GRK5: variants seen among roughly 807,000 people sequenced by gnomAD.
The protein encoded by GRK5 is g protein-coupled receptor kinase GRK5.
Under a neutral mutation model 78.4 loss-of-function variants are expected in GRK5, and 40 were observed. The observed-to-expected ratio is 0.51, with a 90% CI of 0.40 to 0.66. The LOEUF is 0.66. Ranked by LOEUF, GRK5 falls within the 30% of genes least tolerant of loss-of-function variation. The pLI, the probability that GRK5 is intolerant of heterozygous loss-of-function variation, is 0.00. For missense variants in GRK5, 598 were observed against 759.9 expected (o/e 0.79, Z 2.50); for synonymous variants, 289 against 296.8 (o/e 0.97, Z 0.27).
At chr10:119,439,582 A>T in intron 9 of GRK5, 149 bp from the exon 10 acceptor site, 2 of 659,642 alleles carry the variant, frequency 3.0e-6, no homozygotes, top group South Asian at 3.8e-5. Flanking sequence ...GATCATTTTG[A>T]CTCAAACCAG....
intron 1 of GRK5, among the ~76,000 whole-genome samples, chr10:119,231,250 G>A (rs767720601): frequency 2.0e-5 from 3 of 152,048 alleles, no homozygotes; most frequent in African/African-American, 4.8e-5. Context: ...ATTAAAAAAT[G>A]GGCAGATGAT....
intron 1 of GRK5, among the ~76,000 whole-genome samples, chr10:119,269,618 G>A (rs1346988120): frequency 1.3e-5 from 2 of 151,880 alleles, no homozygotes; most frequent in African/African-American, 4.8e-5. Flanking sequence ...ATCACCTGAG[G>A]TCAGGAGTTT....
chr10:119,420,253 AT>A (rs1852541243), intron 4 of GRK5, among the ~76,000 whole-genome samples: 2 of 151,892 alleles, frequency 1.3e-5, no homozygotes, highest in African/African-American at 4.8e-5. Flanking sequence ...TATGTAAGCT[AT>A]TGTTACCAAT....
chr10:119,393,557 A>T (rs956320591), intron 3 of GRK5, among the ~76,000 whole-genome samples: 1 of 152,208 alleles, frequency 6.6e-6, no homozygotes, highest in East Asian at 1.9e-4. Flanking sequence ...CCATTTGCCC[A>T]GGGCCTGCGT....
chr10:119,416,523 C>T lies in GRK5; in HGVS notation c.340-6643C>T, dbSNP rs78796703. Among the ~76,000 whole-genome samples, 622 of 152,322 alleles carry T rather than the reference C, an allele frequency of 4.1e-3. 16 individuals are homozygous for T. The highest frequency in any genetic ancestry group is 0.029 in the East Asian group (148 of 5,182). ...TGGCCCTGCAGTCCAGCTTCTCTCT[C>T]CTTCAAGGTCCAGGCCTGTATGACC... On this transcript the variant is annotated intron_variant, in intron 4 of 15. Coordinates refer to ENST00000392870, the MANE Select transcript of GRK5 (RefSeq NM_005308.3).
intron 1 of GRK5, among the ~76,000 whole-genome samples, chr10:119,322,319 A>G (rs1109804): frequency 0.69 from 104,847 of 152,128 alleles, 37,882 homozygotes; most frequent in Non-Finnish European, 0.79. Context: ...ACAGCGCAAT[A>G]TTTAACCACA....
At chr10:119,441,295 A>C (rs1452565104) in intron 10 of GRK5, among the ~76,000 whole-genome samples, 2 of 151,948 alleles carry the variant, frequency 1.3e-5, no homozygotes, top group Non-Finnish European at 2.9e-5. Context: ...TCTAGGCTGG[A>C]GGGATGGGGG....
chr10:119,237,201 T>C (rs927237359), intron 1 of GRK5, among the ~76,000 whole-genome samples: 1 of 152,058 alleles, frequency 6.6e-6, no homozygotes, highest in Non-Finnish European at 1.5e-5. Context: ...TAGCTGGGAT[T>C]ACAGGCATGT....
In GRK5 at chr10:119,267,271, C is replaced by A. The variant is rs1849514116; in HGVS notation, c.53-59245C>A. On this transcript the variant is annotated intron_variant, in intron 1 of 15. Coordinates refer to ENST00000392870, the MANE Select transcript of GRK5 (RefSeq NM_005308.3). This position sits in a 1 kb window ranked among gnomAD's most constrained non-coding sequence, Gnocchi z 4.1. ...AAAAAAAAAATTCTTTTTGCAGTGA[C>A]AGGGTCTGCCTGTGTTGCCCAGGCT... 6.6e-6 allele frequency among the ~76,000 whole-genome samples: 1 copy of A among 152,110 alleles called. No homozygotes were observed. Among genetic ancestry groups the A allele is most frequent in the South Asian group, 2.1e-4 (1 of 4,830 alleles).
At chr10:119,356,557 A>G (rs549427598) in intron 2 of GRK5, among the ~76,000 whole-genome samples, 3 of 152,302 alleles carry the variant, frequency 2.0e-5, no homozygotes, top group African/African-American at 4.8e-5. Flanking sequence ...TTGATGCCCA[A>G]TAAGATCAGC....
intron 4 of GRK5, among the ~76,000 whole-genome samples, chr10:119,420,350 AAAC>A (rs200849028): frequency 0.077 from 4,709 of 61,356 alleles, 100 homozygotes; most frequent in Admixed American, 0.12. Context: ...ACAAACAAAC[AAAC>A]AAAAAAAAAA....
At chr10:119,327,447 G>A (rs1850698618) in intron 2 of GRK5, among the ~76,000 whole-genome samples, 1 of 152,166 alleles carries the variant, frequency 6.6e-6, no homozygotes, top group Non-Finnish European at 1.5e-5. Context: ...ATTATTGTCA[G>A]AGGTCATGGA....
At position 119,455,279 on chromosome 10, in the gene GRK5, G is replaced by C; in HGVS notation, c.*212G>C. The C allele has an allele frequency of 1.4e-6, 1 of 697,154 alleles. No homozygotes were observed. Among genetic ancestry groups the C allele is most frequent in the Non-Finnish European group, 2.6e-6 (1 of 381,864 alleles). The allele number at this position is 697,154 out of a possible 1,614,324, so 43.2% of individuals were successfully genotyped here. On this transcript the variant is annotated 3_prime_UTR_variant, in exon 16 of 16. Coordinates refer to ENST00000392870, the MANE Select transcript of GRK5 (RefSeq NM_005308.3). ...TTCCGAGGCGGCCCCGGCCGGGGTG[G>C]ATTGGATTTGTCTTTGGTGAACATT...
At chr10:119,368,383 G>A (rs1445614765) in intron 2 of GRK5, among the ~76,000 whole-genome samples, 1 of 152,190 alleles carries the variant, frequency 6.6e-6, no homozygotes, top group African/African-American at 2.4e-5. Flanking sequence ...GGTGCTGGGG[G>A]CGGGGGATGG....
At chr10:119,429,186 G>A (rs980195772) in intron 6 of GRK5, among the ~76,000 whole-genome samples, 2 of 152,222 alleles carry the variant, frequency 1.3e-5, no homozygotes, top group Non-Finnish European at 2.9e-5. Flanking sequence ...GGAGAAGTGA[G>A]CCATGGCACG....
chr10:119,227,881 C>G (rs1008457760), intron 1 of GRK5, among the ~76,000 whole-genome samples: 1 of 152,122 alleles, frequency 6.6e-6, no homozygotes, highest in African/African-American at 2.4e-5. Flanking sequence ...GTCTTTGTCT[C>G]AAGAACATTT....
At chr10:119,441,557 G>A (rs763299006) in intron 10 of GRK5, among the ~76,000 whole-genome samples, 6 of 152,226 alleles carry the variant, frequency 3.9e-5, no homozygotes, top group Admixed American at 6.5e-5. Context: ...AATCTCCAGA[G>A]ACCAACAAGG....
chr10:119,241,512 C>T (rs369352769), intron 1 of GRK5, among the ~76,000 whole-genome samples: 9 of 152,174 alleles, frequency 5.9e-5, no homozygotes, highest in Non-Finnish European at 1.3e-4. Context: ...ACACCTTTCA[C>T]GAAAATGAAG....
rs1849513071 is a variant in GRK5, at chr10:119,267,222, A to G, written c.52+59253A>G. 1.3e-5 allele frequency among the ~76,000 whole-genome samples: 2 copies of G among 152,046 alleles called. No individual in the cohort carries two copies. Among genetic ancestry groups the G allele is most frequent in the African/African-American group, 4.8e-5 (2 of 41,404 alleles). On this transcript the variant is annotated intron_variant, in intron 1 of 15. Coordinates refer to ENST00000392870, the MANE Select transcript of GRK5 (RefSeq NM_005308.3). The surrounding 1 kb of genome is among the most constrained non-coding windows in gnomAD (Gnocchi z 4.1). ...CACACCATTGCACTCCAGCCTGGGCAACAAGAGCGAAACTCTGTCTCAAAA... is the reference window on the plus strand; with the variant it reads ...CACACCATTGCACTCCAGCCTGGGCGACAAGAGCGAAACTCTGTCTCAAAA...
Sources: gnomAD v4.1 joint callset for allele counts (sites outside exome capture counted in the v4.1 genomes callset) on GRCh38, gnomAD v4.1.1 for gene constraint, Gnocchi (gnomAD v3.1) non-coding constraint, MANE v1.5 for transcripts, NCBI Gene and HGNC (gene_info 2026-07-23, HGNC 2026-07-21) for gene names.